The following TBC1D22A variants were observed in gnomAD, a reference collection of about 807,000 sequenced individuals.
The protein encoded by TBC1D22A is TBC1 domain family member 22A.
A neutral mutation model predicts 60.2 loss-of-function variants in TBC1D22A; 38 were observed. The observed-to-expected ratio is 0.63, with a 90% CI of 0.49 to 0.83. TBC1D22A has a LOEUF of 0.83. Ranked by LOEUF, TBC1D22A falls within the 40% of genes least tolerant of loss-of-function variation. The pLI, the probability that TBC1D22A is intolerant of heterozygous loss-of-function variation, is 0.00. For synonymous variants in TBC1D22A, 302 were observed against 281.7 expected, an observed-to-expected ratio of 1.07 and a Z score of -0.72; for missense variants, 628 against 701.0, an observed-to-expected ratio of 0.90 and a Z score of 1.18.
intron 8 of TBC1D22A, among the ~76,000 whole-genome samples, chr22:46,960,266 CT>C (rs897986641): frequency 5.8e-4 from 84 of 145,746 alleles, no homozygotes; most frequent in Admixed American, 5.5e-4. Flanking sequence ...TTGGACTCAT[CT>C]TTTTTTTTTT....
intron 8 of TBC1D22A, among the ~76,000 whole-genome samples, chr22:46,966,360 A>G (rs2073805346): frequency 6.6e-6 from 1 of 152,176 alleles, no homozygotes; most frequent in Non-Finnish European, 1.5e-5. Flanking sequence ...AAGCATCGGG[A>G]GAGCCCATGA....
rs147949737 is a variant in TBC1D22A at position 46,823,518 on chromosome 22, G to C, written c.637+25898G>C. Among the ~76,000 whole-genome samples the C allele has an allele frequency of 2.0e-5, 3 of 152,316 alleles. No individual in the cohort carries two copies. The East Asian group carries it at 5.8e-4, about 29-fold the overall frequency. ...GTGAGTTCTCAGGGCATGGGAAGCT[G>C]TGTGGCAGGTGCCCGCGTGGTGTTT... is the stretch of plus-strand genomic sequence containing the variant. On this transcript the variant is annotated intron_variant, in intron 4 of 12. Transcript: ENST00000337137.
At chr22:46,967,090 G>A (rs1602708629) in intron 8 of TBC1D22A, among the ~76,000 whole-genome samples, 1 of 152,184 alleles carries the variant, frequency 6.6e-6, no homozygotes, top group Non-Finnish European at 1.5e-5. Flanking sequence ...GGCTGCAGGC[G>A]GATGGCCCAA....
At chr22:47,156,046 C>T (rs1397974102) in intron 12 of TBC1D22A, among the ~76,000 whole-genome samples, 6 of 152,234 alleles carry the variant, frequency 3.9e-5, no homozygotes, top group African/African-American at 1.4e-4. Context: ...TCAGCCCCTC[C>T]CCCTGCTGGT....
At chr22:46,933,891 T>C (rs987381252) in intron 8 of TBC1D22A, among the ~76,000 whole-genome samples, 5 of 152,172 alleles carry the variant, frequency 3.3e-5, no homozygotes, top group Admixed American at 6.5e-5. Context: ...GACAGGGGTG[T>C]GGGGATGAGC....
At chr22:46,845,595 G>A (rs1412057026) in intron 4 of TBC1D22A, among the ~76,000 whole-genome samples, 2 of 152,166 alleles carry the variant, frequency 1.3e-5, no homozygotes, top group Non-Finnish European at 2.9e-5. Flanking sequence ...AGGAATTTAT[G>A]TTATGGGAAC....
chr22:46,864,512 C>A (rs1236900596), intron 4 of TBC1D22A, among the ~76,000 whole-genome samples: 1 of 152,202 alleles, frequency 6.6e-6, no homozygotes, highest in African/African-American at 2.4e-5. Flanking sequence ...TTTCTCAGGC[C>A]TCCTGTACTT....
chr22:46,884,342 G>A (rs139879907), intron 5 of TBC1D22A, among the ~76,000 whole-genome samples: 1 of 152,290 alleles, frequency 6.6e-6, no homozygotes, highest in African/African-American at 2.4e-5. Flanking sequence ...GCCTGGGGGT[G>A]CATTCCTGTC....
rs149757096 is a variant in TBC1D22A, at chr22:47,162,263, T to C, written c.1426-11235T>C. Among the ~76,000 whole-genome samples the C allele has an allele frequency of 1.6e-3, 247 of 152,028 alleles. 1 individual carries two copies. The highest frequency in any genetic ancestry group is 4.0e-3 in the Admixed American group (61 of 15,278). On this transcript the variant is annotated intron_variant, in intron 12 of 12. Coordinates refer to ENST00000337137, the MANE Select transcript of TBC1D22A (RefSeq NM_014346.5). ...TACCGGTCTTGTATTCCTCCTGGAC[T>C]GGGAGTCATAGTTCCCAAGGCTTTC...
At chr22:46,793,232 G>A (rs1032753127) in intron 2 of TBC1D22A, among the ~76,000 whole-genome samples, 1 of 152,244 alleles carries the variant, frequency 6.6e-6, no homozygotes, top group African/African-American at 2.4e-5. Flanking sequence ...GTGAGCTGGG[G>A]TGGTCCTGCA....
chr22:47,058,104 C>G (rs1436335068), intron 11 of TBC1D22A, among the ~76,000 whole-genome samples: 1 of 152,216 alleles, frequency 6.6e-6, no homozygotes, highest in Non-Finnish European at 1.5e-5. Flanking sequence ...CAGATCTGAG[C>G]TCCGGTGGCC....
At chr22:47,041,405 T>A (rs1000033260) in intron 11 of TBC1D22A, among the ~76,000 whole-genome samples, 1 of 152,150 alleles carries the variant, frequency 6.6e-6, no homozygotes, top group Non-Finnish European at 1.5e-5. Flanking sequence ...GCACTCAGGG[T>A]GGACTCCTGC....
chr22:46,765,907 C>G (rs1417406940), intron 1 of TBC1D22A, among the ~76,000 whole-genome samples: 3 of 151,630 alleles, frequency 2.0e-5, no homozygotes, highest in Non-Finnish European at 4.4e-5. Flanking sequence ...CTGCCTCAGC[C>G]TCCTGAGTAG....
chr22:46,866,510 T>C (rs1376363043), intron 4 of TBC1D22A, among the ~76,000 whole-genome samples: 1 of 152,218 alleles, frequency 6.6e-6, no homozygotes, highest in Non-Finnish European at 1.5e-5. Context: ...AAGCTGTCTC[T>C]CCATGAACTA....
At chr22:46,982,920 G>A (rs911237925) in intron 9 of TBC1D22A, among the ~76,000 whole-genome samples, 2 of 152,222 alleles carry the variant, frequency 1.3e-5, no homozygotes, top group Non-Finnish European at 2.9e-5. Context: ...AATGTCTGGG[G>A]TGCTTTTCAG....
chr22:46,837,046 A>T (rs138433344), intron 4 of TBC1D22A, among the ~76,000 whole-genome samples: 41 of 151,694 alleles, frequency 2.7e-4, no homozygotes, highest in African/African-American at 9.9e-4. Flanking sequence ...CTGTAGTCCT[A>T]GGTGCATATT....
chr22:46,796,779 C>T (rs894430989), intron 3 of TBC1D22A, among the ~76,000 whole-genome samples: 4 of 152,156 alleles, frequency 2.6e-5, no homozygotes, highest in East Asian at 1.9e-4. Context: ...AGTGCCACTG[C>T]GGTCACTGCC....
At chr22:46,900,778 T>A (rs1488929283) in intron 7 of TBC1D22A, among the ~76,000 whole-genome samples, 1 of 151,970 alleles carries the variant, frequency 6.6e-6, no homozygotes, top group African/African-American at 2.4e-5. Flanking sequence ...ACAGTGTGTC[T>A]GTCTGTGCAC....
At chr22:46,844,170 A>G (rs952568148) in intron 4 of TBC1D22A, among the ~76,000 whole-genome samples, 16 of 150,962 alleles carry the variant, frequency 1.1e-4, no homozygotes, top group African/African-American at 3.7e-4. Context: ...ATTCTTATCA[A>G]GCCGTTCTAA....
Sources: allele counts gnomAD v4.1 joint callset (sites outside exome capture counted in the v4.1 genomes callset), GRCh38; gene constraint gnomAD v4.1.1; transcripts MANE v1.5; gene names NCBI Gene and HGNC (gene_info 2026-07-23, HGNC 2026-07-21).